KAZN: variants seen among roughly 807,000 people sequenced by gnomAD.
KAZN encodes the protein kazrin, periplakin interacting protein, also known as kazrin.
A neutral mutation model predicts 87.4 loss-of-function variants in KAZN; 40 were observed. That is an observed-to-expected ratio of 0.46 (90% CI 0.36 to 0.60). The LOEUF (loss-of-function observed/expected upper bound fraction) is 0.60, where lower values mean the gene tolerates loss of function less well. Ranked by LOEUF, KAZN falls within the 20% of genes least tolerant of loss-of-function variation. The pLI, the probability that KAZN is intolerant of heterozygous loss-of-function variation, is 0.00. For missense variants in KAZN, 898 were observed against 1,073.9 expected (o/e 0.84, Z 2.29); for synonymous variants, 466 against 458.3 (o/e 1.02, Z -0.22).
intron 2 of KAZN, among the ~76,000 whole-genome samples, chr1:14,190,898 G>A (rs765909683): frequency 9.2e-5 from 14 of 152,176 alleles, no homozygotes; most frequent in Non-Finnish European, 1.3e-4. Flanking sequence ...GTTTTGTAAC[G>A]TAGCAAGAGC....
intron 2 of KAZN, among the ~76,000 whole-genome samples, chr1:14,276,442 A>G (rs1384827074): frequency 6.6e-6 from 1 of 152,142 alleles, no homozygotes; most frequent in African/African-American, 2.4e-5. Flanking sequence ...GAGGGGGCTT[A>G]TATGACAAAA....
chr1:15,106,158 T>C (rs1034259184), intron 13 of KAZN, among the ~76,000 whole-genome samples: 1 of 152,092 alleles, frequency 6.6e-6, no homozygotes. Context: ...GAGTGCACCA[T>C]ATAATCCCAG....
At chr1:15,013,753 C>G (rs1291434619) in intron 2 of KAZN, among the ~76,000 whole-genome samples, 1 of 133,678 alleles carries the variant, frequency 7.5e-6, no homozygotes, top group Non-Finnish European at 1.6e-5. Context: ...GACTCCATCT[C>G]AAAAAAAAAA....
chr1:14,128,995 G>T (rs532897076), intron 1 of KAZN, among the ~76,000 whole-genome samples: 3 of 152,286 alleles, frequency 2.0e-5, no homozygotes, highest in South Asian at 4.1e-4. Context: ...AGCCTAGCAG[G>T]TAATAAAGTG....
At chr1:14,249,495 G>A (rs899024341) in intron 2 of KAZN, among the ~76,000 whole-genome samples, 1 of 152,194 alleles carries the variant, frequency 6.6e-6, no homozygotes, top group African/African-American at 2.4e-5. Context: ...CAAGATTCAA[G>A]CATTCAAGAG....
intron 1 of KAZN, among the ~76,000 whole-genome samples, chr1:14,846,361 A>T (rs1036588930): frequency 2.6e-5 from 4 of 152,192 alleles, no homozygotes; most frequent in African/African-American, 9.7e-5. Context: ...GGTATAACCC[A>T]AGTGTTCCTA....
chr1:14,265,724 TTAAG>T (rs1188251792), intron 2 of KAZN, among the ~76,000 whole-genome samples: 2 of 152,170 alleles, frequency 1.3e-5, no homozygotes, highest in Non-Finnish European at 2.9e-5. Flanking sequence ...CAGAGAATGA[TTAAG>T]TAATTCATCA....
intron 2 of KAZN, among the ~76,000 whole-genome samples, chr1:14,287,890 G>A (rs1013483237): frequency 6.6e-6 from 1 of 152,146 alleles, no homozygotes; most frequent in African/African-American, 2.4e-5. Context: ...CAGCATGAAG[G>A]GCTGTTGAAT....
chr1:14,562,236 T>C (rs1383701675), intron 2 of KAZN, among the ~76,000 whole-genome samples: 1 of 152,204 alleles, frequency 6.6e-6, no homozygotes, highest in African/African-American at 2.4e-5. Context: ...TTGTGAGCAA[T>C]TGCCTGGGAG....
chr1:14,637,754 A>T (rs72865014), intron 1 of KAZN, among the ~76,000 whole-genome samples: 7,973 of 152,090 alleles, frequency 0.052, 260 homozygotes, highest in African/African-American at 0.073. Context: ...AAAGAAAAAA[A>T]ATATGTATAG....
intron 1 of KAZN, among the ~76,000 whole-genome samples, chr1:14,939,703 G>A (rs1660842689): frequency 6.6e-6 from 1 of 152,176 alleles, no homozygotes; most frequent in Admixed American, 6.5e-5. Flanking sequence ...TCTGCCTGTT[G>A]GGATATTGAG....
At chr1:14,110,637 C>T (rs1438306810) in intron 1 of KAZN, among the ~76,000 whole-genome samples, 1 of 78,296 alleles carries the variant, frequency 1.3e-5, no homozygotes, top group East Asian at 9.9e-4. Flanking sequence ...AACTTTTCTC[C>T]TTTGAAAAGC....
At chr1:14,899,922 G>A (rs992994592) in intron 1 of KAZN, among the ~76,000 whole-genome samples, 10 of 152,196 alleles carry the variant, frequency 6.6e-5, no homozygotes, top group African/African-American at 1.4e-4. Context: ...GAAAGCTGGC[G>A]CATAATCCTG....
chr1:15,097,557 A>G (rs930875306), intron 10 of KAZN, among the ~76,000 whole-genome samples: 2 of 152,096 alleles, frequency 1.3e-5, no homozygotes, highest in African/African-American at 4.8e-5. Context: ...GATGGCTCAC[A>G]CCTGTAATCA....
At chr1:13,899,061 G>T (rs1444848126) in intron 1 of KAZN, among the ~76,000 whole-genome samples, 1 of 152,216 alleles carries the variant, frequency 6.6e-6, no homozygotes. Context: ...ACAGCTTTAA[G>T]GTTTCCTTGT....
At chr1:14,489,755 A>AATAATG in intron 2 of KAZN, among the ~76,000 whole-genome samples, 1 of 148,932 alleles carries the variant, frequency 6.7e-6, no homozygotes. Flanking sequence ...TAATAATAAT[A>AATAATG]ATAATAATAA....
At chr1:14,091,789 T>C (rs1467012310) in intron 1 of KAZN, among the ~76,000 whole-genome samples, 1 of 152,150 alleles carries the variant, frequency 6.6e-6, no homozygotes, top group Non-Finnish European at 1.5e-5. Flanking sequence ...CCAAAGTCTG[T>C]CCCAGAAACC....
intron 1 of KAZN, among the ~76,000 whole-genome samples, chr1:14,934,272 G>A (rs1316165529): frequency 2.7e-5 from 4 of 148,232 alleles, no homozygotes; most frequent in South Asian, 2.2e-4. Context: ...GCAGTGGTGC[G>A]TCTTGGCTCA....
At chr1:14,092,182 C>G (rs1400705496) in intron 1 of KAZN, among the ~76,000 whole-genome samples, 2 of 150,200 alleles carry the variant, frequency 1.3e-5, no homozygotes, top group African/African-American at 4.9e-5. Flanking sequence ...GCTGCGCCTC[C>G]CGGGTTCATG....
Sources: allele counts gnomAD v4.1 joint callset (sites outside exome capture counted in the v4.1 genomes callset), GRCh38; gene constraint gnomAD v4.1.1; transcripts MANE v1.5; gene names NCBI Gene and HGNC (gene_info 2026-07-23, HGNC 2026-07-21).